The following SPAG16 variants were observed in gnomAD, a reference collection of about 807,000 sequenced individuals.
SPAG16 encodes the protein sperm associated antigen 16.
A neutral mutation model predicts 80.4 loss-of-function variants in SPAG16; 86 were observed. That is an observed-to-expected ratio of 1.07 (90% CI 0.90 to 1.28). The LOEUF (loss-of-function observed/expected upper bound fraction) is 1.28. Among genes scored for constraint, SPAG16 ranks in the 50% most tolerant of loss-of-function variants. The pLI is 0.00. For missense variants in SPAG16, 870 were observed against 765.3 expected, an observed-to-expected ratio of 1.14 and a Z score of -1.61; for synonymous variants, 294 against 265.9, an observed-to-expected ratio of 1.11 and a Z score of -1.03.
chr2:214,173,469 G>A (rs1191960633), intron 15 of SPAG16, among the ~76,000 whole-genome samples: 2 of 151,898 alleles, frequency 1.3e-5, no homozygotes, highest in Admixed American at 6.6e-5. Flanking sequence ...CTCTGTTTTG[G>A]TACCAGTACC....
chr2:213,378,483 A>G (rs1166044327), intron 9 of SPAG16, among the ~76,000 whole-genome samples: 1 of 152,208 alleles, frequency 6.6e-6, no homozygotes, highest in Non-Finnish European at 1.5e-5. Context: ...CAACTCAAAT[A>G]CTATTACATA....
At chr2:213,555,830 G>A (rs2059406916) in intron 10 of SPAG16, among the ~76,000 whole-genome samples, 1 of 152,068 alleles carries the variant, frequency 6.6e-6, no homozygotes, top group Non-Finnish European at 1.5e-5. Context: ...AATACTGTGT[G>A]AATCACTTGT....
At chr2:213,643,591 A>C (rs2062705881) in intron 10 of SPAG16, among the ~76,000 whole-genome samples, 1 of 148,662 alleles carries the variant, frequency 6.7e-6, no homozygotes. Flanking sequence ...CCATTGAATA[A>C]ACTTTCTACC....
At chr2:213,630,313 G>A (rs1425144577) in intron 10 of SPAG16, among the ~76,000 whole-genome samples, 2 of 152,056 alleles carry the variant, frequency 1.3e-5, no homozygotes, top group Non-Finnish European at 2.9e-5. Context: ...GAACCTGGGA[G>A]GCAGAGGTTG....
chr2:214,085,244 T>C (rs1366239607), intron 13 of SPAG16, among the ~76,000 whole-genome samples: 1 of 151,926 alleles, frequency 6.6e-6, no homozygotes, highest in African/African-American at 2.4e-5. Context: ...TGGTGGTGCC[T>C]TCCTGTAGTC....
chr2:213,675,994 G>T (rs1289892117), intron 10 of SPAG16, among the ~76,000 whole-genome samples: 1 of 152,144 alleles, frequency 6.6e-6, no homozygotes, highest in Admixed American at 6.5e-5. Context: ...CCAATTTCAT[G>T]ATATTGATTC....
chr2:213,585,399 C>T (rs1464785284), intron 10 of SPAG16, among the ~76,000 whole-genome samples: 1 of 151,370 alleles, frequency 6.6e-6, no homozygotes, highest in Non-Finnish European at 1.5e-5. Context: ...GCCTCAGCCT[C>T]CTGAGTATCT....
chr2:214,021,363 G>A (rs539527927), intron 13 of SPAG16, among the ~76,000 whole-genome samples: 1 of 152,296 alleles, frequency 6.6e-6, no homozygotes, highest in East Asian at 1.9e-4. Context: ...CACAGTTTCA[G>A]GTGGCTGAGG....
chr2:213,310,329 C>T, intron 4 of SPAG16, 152 bp downstream of exon 4: 2 of 14,566 alleles, frequency 1.4e-4, no homozygotes, highest in Non-Finnish European at 2.7e-4. Flanking sequence ...AACACACACA[C>T]ACACACACAC....
At chr2:214,175,184 C>A (rs1366302189) in intron 15 of SPAG16, among the ~76,000 whole-genome samples, 1 of 142,450 alleles carries the variant, frequency 7.0e-6, no homozygotes, top group African/African-American at 2.6e-5. Context: ...ATTGAGGAAC[C>A]AGGAATAAAG....
At chr2:213,802,312 AT>A (rs1436525017) in intron 10 of SPAG16, among the ~76,000 whole-genome samples, 1 of 152,078 alleles carries the variant, frequency 6.6e-6, no homozygotes, top group Non-Finnish European at 1.5e-5. Flanking sequence ...CTTCTTTACC[AT>A]TTTGCCTAAA....
At chr2:213,671,023 T>C (rs2063794867) in intron 10 of SPAG16, among the ~76,000 whole-genome samples, 1 of 152,228 alleles carries the variant, frequency 6.6e-6, no homozygotes, top group Non-Finnish European at 1.5e-5. Context: ...AAAGCAACTA[T>C]GCAAATTATT....
intron 15 of SPAG16, among the ~76,000 whole-genome samples, chr2:214,304,652 G>A (rs1463110692): frequency 1.3e-5 from 2 of 152,164 alleles, no homozygotes; most frequent in African/African-American, 4.8e-5. Context: ...ATTTCTGTGT[G>A]TGTGTCTTTA....
At chr2:213,541,619 C>T (rs1039042306) in intron 10 of SPAG16, among the ~76,000 whole-genome samples, 1 of 151,474 alleles carries the variant, frequency 6.6e-6, no homozygotes, top group Admixed American at 6.6e-5. Flanking sequence ...GACTCCATCT[C>T]AAAAAAGAAA....
chr2:213,580,427 A>G (rs1175588534), intron 10 of SPAG16, among the ~76,000 whole-genome samples: 1 of 152,152 alleles, frequency 6.6e-6, no homozygotes, highest in Non-Finnish European at 1.5e-5. Flanking sequence ...CTCAACCATG[A>G]ATCTACCTAT....
intron 9 of SPAG16, among the ~76,000 whole-genome samples, chr2:213,481,882 A>T (rs1303403053): frequency 3.3e-5 from 5 of 152,220 alleles, no homozygotes; most frequent in Admixed American, 6.5e-5. Flanking sequence ...ACACAAGTTT[A>T]TTAAGGTTGC....
intron 10 of SPAG16, among the ~76,000 whole-genome samples, chr2:213,818,686 C>T (rs540112834): frequency 6.6e-6 from 1 of 152,284 alleles, no homozygotes; most frequent in South Asian, 2.1e-4. Flanking sequence ...CCACTCAAAT[C>T]TCATCTACAA....
chr2:213,819,732 T>C (rs909860475), intron 10 of SPAG16, among the ~76,000 whole-genome samples: 5 of 151,892 alleles, frequency 3.3e-5, no homozygotes, highest in Admixed American at 1.3e-4. Flanking sequence ...CTTGTTGTTT[T>C]TTGTTTGATT....
At chr2:213,681,957 C>T (rs1278956693) in intron 10 of SPAG16, among the ~76,000 whole-genome samples, 1 of 152,186 alleles carries the variant, frequency 6.6e-6, no homozygotes. Flanking sequence ...CAGATCCAGG[C>T]TCCTTTCCCT....
Sources: gnomAD v4.1 joint callset for allele counts (sites outside exome capture counted in the v4.1 genomes callset) on GRCh38, gnomAD v4.1.1 for gene constraint, MANE v1.5 for transcripts, NCBI Gene and HGNC (gene_info 2026-07-23, HGNC 2026-07-21) for gene names.